The following LARGE1 variants were observed in gnomAD, a reference collection of about 807,000 sequenced individuals.
LARGE1 encodes xylosyl- and glucuronyltransferase LARGE1.
In LARGE1, 43 loss-of-function variants were observed where a neutral mutation model predicts 87.6. The observed-to-expected ratio is 0.49, with a 90% CI of 0.38 to 0.63. LARGE1 has a LOEUF of 0.63. LARGE1 is among the 30% of genes least tolerant of loss of function. The probability of loss-of-function intolerance (pLI) is 0.00; values close to 1 mark genes in which losing one functional copy is unlikely to be tolerated. For synonymous variants in LARGE1, 434 were observed against 394.6 expected, an observed-to-expected ratio of 1.10 and a Z score of -1.18; for missense variants, 802 against 1,000.2, an observed-to-expected ratio of 0.80 and a Z score of 2.67.
intron 2 of LARGE1, among the ~76,000 whole-genome samples, chr22:33,682,314 T>C (rs558586331): frequency 4.6e-5 from 7 of 152,342 alleles, no homozygotes; most frequent in African/African-American, 1.4e-4. Context: ...AAATTGTACC[T>C]TGGGATGGCA....
chr22:33,124,386 G>GGAAGGAAGGAAGGA, the LARGE1 span, among the ~76,000 whole-genome samples: 1 of 61,614 alleles, frequency 1.6e-5, no homozygotes, highest in African/African-American at 9.4e-5. Flanking sequence ...GGAAGGAAGG[G>GGAAGGAAGGAAGGA]AGGAAGGAAA....
intron 11 of LARGE1, among the ~76,000 whole-genome samples, chr22:33,196,389 AG>A (rs1265547976): frequency 1.2e-4 from 19 of 152,196 alleles, no homozygotes; most frequent in Admixed American, 6.5e-5. Flanking sequence ...CATTCAATTT[AG>A]TAAGTTAAAT....
chr22:33,773,562 C>T (rs1476108878), intron 1 of LARGE1, among the ~76,000 whole-genome samples: 1 of 152,186 alleles, frequency 6.6e-6, no homozygotes, highest in African/African-American at 2.4e-5. Context: ...TAGTTGTCAC[C>T]CGAATTGTGC....
intron 5 of LARGE1, among the ~76,000 whole-genome samples, chr22:33,598,162 T>C (rs1250217154): frequency 2.6e-5 from 4 of 152,076 alleles, no homozygotes; most frequent in South Asian, 2.1e-4. Context: ...AAACAGGACA[T>C]AGGAGAAAGG....
intron 11 of LARGE1, among the ~76,000 whole-genome samples, chr22:33,200,204 C>T (rs1444669292): frequency 1.3e-5 from 2 of 152,102 alleles, no homozygotes; most frequent in African/African-American, 2.4e-5. Flanking sequence ...GATTCTTCCC[C>T]TTGTAAACTT....
At chr22:33,154,099 T>A in the LARGE1 span, among the ~76,000 whole-genome samples, 1 of 152,160 alleles carries the variant, frequency 6.6e-6, no homozygotes. Context: ...GTTATAATTG[T>A]TTATGACAGA....
intron 2 of LARGE1, among the ~76,000 whole-genome samples, chr22:33,707,204 C>T (rs2082588736): frequency 1.3e-5 from 2 of 152,230 alleles, no homozygotes; most frequent in African/African-American, 2.4e-5. Context: ...TCTCACTGCC[C>T]TGACACTAGA....
At chr22:33,914,954 C>T (rs960857665) in intron 1 of LARGE1, among the ~76,000 whole-genome samples, 2 of 151,286 alleles carry the variant, frequency 1.3e-5, no homozygotes, top group Admixed American at 6.6e-5. Flanking sequence ...ATTAAAGCAT[C>T]CTGTCTCCCA....
chr22:33,752,614 A>G (rs2084362801), intron 2 of LARGE1, among the ~76,000 whole-genome samples: 1 of 152,230 alleles, frequency 6.6e-6, no homozygotes, highest in African/African-American at 2.4e-5. Context: ...TTGGATACAT[A>G]TATGTCAAAT....
intron 11 of LARGE1, among the ~76,000 whole-genome samples, chr22:33,190,377 G>C (rs376082906): frequency 2.0e-5 from 3 of 152,230 alleles, no homozygotes; most frequent in Admixed American, 1.3e-4. Context: ...TCCTTCTCCA[G>C]CTGCAATACA....
chr22:33,194,827 G>C (rs1312785187), intron 11 of LARGE1, among the ~76,000 whole-genome samples: 3 of 152,166 alleles, frequency 2.0e-5, no homozygotes, highest in South Asian at 2.1e-4. Flanking sequence ...GAGTGAAGGA[G>C]TGACTTTTGC....
chr22:33,508,458 A>G (rs2070871160), intron 6 of LARGE1, among the ~76,000 whole-genome samples: 1 of 152,208 alleles, frequency 6.6e-6, no homozygotes, highest in South Asian at 2.1e-4. Flanking sequence ...TAAAACCTAC[A>G]TTTGGTAACT....
intron 6 of LARGE1, among the ~76,000 whole-genome samples, chr22:33,558,980 C>T (rs570266403): frequency 1.3e-5 from 2 of 152,292 alleles, no homozygotes; most frequent in South Asian, 2.1e-4. Flanking sequence ...ACAAAGACCC[C>T]GTTAGCATTA....
At chr22:33,614,264 G>A (rs1167105819) in intron 4 of LARGE1, among the ~76,000 whole-genome samples, 1 of 152,146 alleles carries the variant, frequency 6.6e-6, no homozygotes, top group Non-Finnish European at 1.5e-5. Flanking sequence ...GGACTGGCAG[G>A]AAGTGAGGAC....
chr22:33,195,756 C>CTTTTTTTTT (rs71187249), intron 11 of LARGE1, among the ~76,000 whole-genome samples: 4 of 130,730 alleles, frequency 3.1e-5, no homozygotes, highest in Non-Finnish European at 4.8e-5. Context: ...TTTCTTTTTT[C>CTTTTTTTTT]TTTTTTTTTT....
At chr22:33,535,249 A>G (rs1360896846) in intron 6 of LARGE1, among the ~76,000 whole-genome samples, 1 of 152,184 alleles carries the variant, frequency 6.6e-6, no homozygotes, top group Non-Finnish European at 1.5e-5. Context: ...GGTCCAAGAG[A>G]AAACCTCCAG....
In LARGE1 at chr22:33,318,267, G is replaced by A. The variant is rs575268501; in HGVS notation, c.1288-2019C>T. On this transcript the variant is annotated intron_variant, in intron 10 of 14. Transcript: ENST00000397394. ...AAAAAAAAGAATGGGAGGACTTGTC[G>A]GAGGCAATCTGTATTTCCATAAAAA... Among the ~76,000 whole-genome samples the A allele has an allele frequency of 1.2e-4, 18 of 151,422 alleles. 1 individual carries two copies. The South Asian group carries it at 3.8e-3, about 32-fold the overall frequency.
intron 11 of LARGE1, among the ~76,000 whole-genome samples, chr22:33,247,198 TA>T (rs35204580): frequency 1.3e-5 from 2 of 152,072 alleles, no homozygotes; most frequent in African/African-American, 4.8e-5. Flanking sequence ...TGTTCTTTTT[TA>T]AAAAAAGTGA....
chr22:33,291,557 G>T (rs1305086213), intron 12 of LARGE1, among the ~76,000 whole-genome samples: 1 of 151,306 alleles, frequency 6.6e-6, no homozygotes, highest in Non-Finnish European at 1.5e-5. Flanking sequence ...AGGTGTTTAG[G>T]TCATGAGGGC....
Sources: gnomAD v4.1 joint callset for allele counts (sites outside exome capture counted in the v4.1 genomes callset) on GRCh38, gnomAD v4.1.1 for gene constraint, MANE v1.5 for transcripts, NCBI Gene and HGNC (gene_info 2026-07-23, HGNC 2026-07-21) for gene names.